The following NKX2-1 variants were observed in gnomAD, a reference collection of about 807,000 sequenced individuals.
NKX2-1 encodes the protein NK2 homeobox 1.
NKX2-1 carries 9 observed loss-of-function variants against 35.1 expected under a neutral mutation model. The ratio of observed to expected loss-of-function variants is 0.26; its 90% CI spans 0.15 to 0.45. The LOEUF (loss-of-function observed/expected upper bound fraction) is 0.45, where lower values mean the gene tolerates loss of function less well. NKX2-1 is among the 20% of genes least tolerant of loss of function. The pLI is 1.00. For missense variants in NKX2-1, 509 were observed against 589.1 expected, an observed-to-expected ratio of 0.86 and a Z score of 1.41; for synonymous variants, 284 against 269.9, an observed-to-expected ratio of 1.05 and a Z score of -0.51.
Position 36,517,141 on chromosome 14 carries a change from T to C in NKX2-1, c.*137A>G. 1 of 1,415,472 alleles carries C rather than the reference T, an allele frequency of 7.1e-7. No homozygotes were observed. Among genetic ancestry groups the C allele is most frequent in the Non-Finnish European group, 9.3e-7 (1 of 1,077,266 alleles). 87.7% of individuals were successfully genotyped at this position (1,415,472 alleles called of 1,614,324 possible). ...CAGCAGTTTGGCCTTTGTGGTTTTT[T>C]TGTTCCTTGGTCTAAACGCGGCCAG... On this transcript the variant is annotated 3_prime_UTR_variant, in exon 3 of 3. Transcript: ENST00000354822.
rs778614432 is a variant in NKX2-1 at position 36,520,034 on chromosome 14, G to T, written c.77+19C>A. 6.2e-7 allele frequency: 1 copy of T among 1,612,984 alleles called. No homozygotes were observed. The highest frequency in any genetic ancestry group is 8.5e-7 in the Non-Finnish European group (1 of 1,179,778). Reference sequence around the variant, plus strand: ...GGTCTTTAGGAGGAGGGGGCTGAGGGACAGGGTGGGGGTTTCACCTGAGCC... The same window carrying T: ...GGTCTTTAGGAGGAGGGGGCTGAGGTACAGGGTGGGGGTTTCACCTGAGCC... On this transcript the variant is annotated intron_variant, in intron 1 of 2. Transcript: ENST00000354822.
chr14:36,518,863 C>T, intron 2 of NKX2-1, 122 bp downstream of exon 2: 2 of 1,292,876 alleles, frequency 1.5e-6, no homozygotes, highest in South Asian at 1.8e-5. Context: ...TCCCTGGCGC[C>T]GCTGCCGGGC....
rs1881087744 is a variant in NKX2-1 at position 36,517,534 on chromosome 14, T to G, written c.950A>C (p.Gln317Pro). The G allele has an allele frequency of 7.0e-7, 1 of 1,420,426 alleles. No homozygotes were observed. The highest frequency in any genetic ancestry group is 9.1e-7 in the Non-Finnish European group (1 of 1,095,390). The allele number at this position is 1,420,426 out of a possible 1,614,324, so 88.0% of individuals were successfully genotyped here. A position where few individuals can be genotyped will look rare whatever the true frequency, so the allele number is the denominator to read the frequency against. ...CTGCGCCTGGTGCTGCGCCTGCTGC[T>G]GCGCGTGGCCTTGTAGGCTGGCGGC... ...PGAASLQGHAQQQAQHQAQAA... is the reference protein window; with the variant it reads ...PGAASLQGHAPQQAQHQAQAA... The change falls in exon 3 of 3, where the codon CAG becomes CCG. Residue 317 changes from glutamine to proline, a missense_variant. Gln to Pro is a moderately conservative substitution (Grantham distance 76). Around this residue, in one of 5 missense-constraint regions of NKX2-1, gnomAD observed 212 missense variants for 227.7 expected, o/e 0.93. Transcript: ENST00000354822.
rs1198750822 is a variant in NKX2-1, at chr14:36,518,855, C to T, written c.463+130G>A. 7 of 1,243,012 alleles carry T rather than the reference C, an allele frequency of 5.6e-6. No individual in the cohort carries two copies. The South Asian group carries it at 1.3e-4, about 23-fold the overall frequency. 77.0% of individuals were successfully genotyped at this position (1,243,012 alleles called of 1,614,324 possible). On this transcript the variant is annotated intron_variant, in intron 2 of 2. Coordinates refer to ENST00000354822, the MANE Select transcript of NKX2-1 (RefSeq NM_001079668.3). ...CATCCCCAGCTCCCGCACCCAAGTC[C>T]CTGGCGCCGCTGCCGGGCCGCCCTC...
Position 36,520,086 on chromosome 14 carries a change from G to C in NKX2-1, c.44C>G (p.Ala15Gly), listed in dbSNP as rs2139414757. 1 of 1,613,024 alleles carries C rather than the reference G, an allele frequency of 6.2e-7. No homozygotes were observed. Among genetic ancestry groups the C allele is most frequent in the Non-Finnish European group, 8.5e-7 (1 of 1,179,854 alleles). Residue 15 changes from alanine (A) to glycine (G), a missense_variant, in exon 1 of 3, where the codon GCG becomes GGG. Physicochemically the swap from Ala to Gly is moderately conservative, Grantham distance 60. Coordinates refer to ENST00000354822, the MANE Select transcript of NKX2-1 (RefSeq NM_001079668.3). ...GSGKARGWEA[A>G]AGGRSSPGRL... is the part of the protein sequence containing the mutation. ...GCCGGGGCTGCTCCTCCCTCCCGCCGCGGCCTCCCAGCCCCGCGCCTTCCC... is the reference window on the plus strand; with the variant it reads ...GCCGGGGCTGCTCCTCCCTCCCGCCCCGGCCTCCCAGCCCCGCGCCTTCCC...
intron 1 of NKX2-1, 67 bp downstream of exon 1, chr14:36,519,986 T>A (rs1167106691): frequency 1.2e-6 from 2 of 1,603,348 alleles, no homozygotes; most frequent in African/African-American, 1.3e-5. Context: ...TCCAATTCGG[T>A]CGGGGTTCCC....
Position 36,520,149 on chromosome 14 carries a change from C to A in NKX2-1, c.-20G>T, listed in dbSNP as rs761213689. The A allele has an allele frequency of 6.2e-7, 1 of 1,612,272 alleles. No homozygotes were observed. Among genetic ancestry groups the A allele is most frequent in the Non-Finnish European group, 8.5e-7 (1 of 1,179,706 alleles). ...CCACATCGGGCTTCGCTGCGCTGAG[C>A]CCCAGTCGCCAACAAATGAGCGAGC... On this transcript the variant is annotated 5_prime_UTR_variant, in exon 1 of 3. Coordinates refer to ENST00000354822, the MANE Select transcript of NKX2-1 (RefSeq NM_001079668.3).
chr14:36,517,537 G>A lies in NKX2-1; in HGVS notation c.947C>T (p.Ala316Val), dbSNP rs778389039. 2.8e-6 allele frequency: 4 copies of A among 1,431,924 alleles called. No homozygotes were observed. The South Asian group carries it at 5.9e-5, about 21-fold the overall frequency. 88.7% of individuals were successfully genotyped at this position (1,431,924 alleles called of 1,614,324 possible). ...APGAASLQGH[A>V]QQQAQHQAQA... ...CGCCTGGTGCTGCGCCTGCTGCTGCGCGTGGCCTTGTAGGCTGGCGGCGCC... is the reference window on the plus strand; with the variant it reads ...CGCCTGGTGCTGCGCCTGCTGCTGCACGTGGCCTTGTAGGCTGGCGGCGCC... Residue 316 changes from alanine (A) to valine (V), a missense_variant, in exon 3 of 3, where the codon GCG becomes GTG. Ala to Val is a moderately conservative substitution (Grantham distance 64). This residue lies in a region of NKX2-1 where 212 missense variants were observed against 227.7 expected (regional missense o/e 0.93). Coordinates refer to ENST00000354822, the MANE Select transcript of NKX2-1 (RefSeq NM_001079668.3).
Position 36,519,124 on chromosome 14 carries a change from G to C in NKX2-1, c.324C>G (p.Leu108=), listed in dbSNP as rs779655723. 10 of 1,606,294 alleles carry C rather than the reference G, an allele frequency of 6.2e-6. No individual in the cohort carries two copies. Among genetic ancestry groups the C allele is most frequent in the Admixed American group, 3.3e-5 (2 of 59,922 alleles). The stretch of plus-strand genomic sequence containing the variant: ...AGTAGCCCCCCACGGCGGAGTGCGA[G>C]AGCTGGGGCACCCCCGCCGCCGTCA... ...YHMTAAGVPQ[L]SHSAVGGYCN... is the part of the protein sequence containing the mutation. The change falls in exon 2 of 3, where the codon CTC becomes CTG. Residue 108 remains leucine (L), a synonymous_variant. Transcript: ENST00000354822.
Position 36,517,091 on chromosome 14 carries a change from A to AGAGTG in NKX2-1, c.*186_*187insCACTC. The stretch of plus-strand genomic sequence containing the variant: ...TTAAAAAAAAAAACCCACAAATTTT[A>AGAGTG]GGGGGGGAAAAAAAGAAAGACGTCC... On this transcript the variant is annotated 3_prime_UTR_variant, in exon 3 of 3. Transcript: ENST00000354822. 1.9e-6 allele frequency: 2 copies of AGAGTG among 1,026,192 alleles called. No homozygotes were observed. The highest frequency in any genetic ancestry group is 2.6e-6 in the Non-Finnish European group (2 of 759,258). 63.6% of individuals were successfully genotyped at this position (1,026,192 alleles called of 1,614,324 possible).
In NKX2-1 at chr14:36,519,737, G is replaced by C. The variant is rs1881258471; in HGVS notation, c.77+316C>G. On this transcript the variant is annotated intron_variant, in intron 1 of 2. Coordinates refer to ENST00000354822, the MANE Select transcript of NKX2-1 (RefSeq NM_001079668.3). ...TTTAGGTCTCAAAGAGAGAGAGAGA[G>C]AGGCAGAGACGAGACCCAAAGCATT... The C allele has an allele frequency of 3.3e-6, 5 of 1,492,954 alleles. No homozygotes were observed. The South Asian group carries it at 5.1e-5, about 15-fold the overall frequency. The allele number at this position is 1,492,954 out of a possible 1,614,324, so 92.5% of individuals were successfully genotyped here.
intron 2 of NKX2-1, 51 bp downstream of exon 2, chr14:36,518,934 C>G: frequency 6.9e-7 from 1 of 1,457,386 alleles, no homozygotes; most frequent in Non-Finnish European, 9.0e-7. Flanking sequence ...CGGCTCTCGC[C>G]GCACCTCCTG....
intron 2 of NKX2-1, among the ~76,000 whole-genome samples, chr14:36,518,579 G>C (rs1881169546): frequency 6.6e-6 from 1 of 152,162 alleles, no homozygotes; most frequent in Non-Finnish European, 1.5e-5. Context: ...CCGCTGGAGA[G>C]AGGGCCGGGC....
intron 1 of NKX2-1, chr14:36,519,632 G>A (rs1373097897): frequency 1.3e-6 from 2 of 1,530,014 alleles, no homozygotes; most frequent in South Asian, 2.4e-5. Context: ...CAAGACAATA[G>A]AAGCCTACAT....
Position 36,517,406 on chromosome 14 carries a change from G to A in NKX2-1, c.1078C>T (p.Leu360=), listed in dbSNP as rs773459186. ...GCGGGGCTGGCGGCGTGGTGCGCCA[G>A]GTCCGGAGACTGGCCTGCGCTGCCT... is the stretch of plus-strand genomic sequence containing the variant. ...QPGSAGQSPD[L]AHHAASPAAL... Residue 360 remains leucine, a synonymous_variant, in exon 3 of 3, where the codon CTG becomes TTG. Coordinates refer to ENST00000354822, the MANE Select transcript of NKX2-1 (RefSeq NM_001079668.3). 1.9e-6 allele frequency: 3 copies of A among 1,591,390 alleles called. No homozygotes were observed. The highest frequency in any genetic ancestry group is 2.6e-6 in the Non-Finnish European group (3 of 1,171,556).
chr14:36,519,145 C>T lies in NKX2-1; in HGVS notation c.303G>A (p.Thr101=), dbSNP rs772975871. Residue 101 remains threonine, a synonymous_variant, in exon 2 of 3, where the codon ACG becomes ACA. Transcript: ENST00000354822. ...GCGAGAGCTGGGGCACCCCCGCCGC[C>T]GTCATGTGGTAGGCGGCGGTGACGG... The part of the protein sequence containing the change: ...HGAVTAAYHM[T]AAGVPQLSHS... 1.2e-6 allele frequency: 2 copies of T among 1,607,768 alleles called. No homozygotes were observed. Among genetic ancestry groups the T allele is most frequent in the Admixed American group, 3.3e-5 (2 of 59,800 alleles).
At position 36,516,723 on chromosome 14, in the gene NKX2-1, C is replaced by T. The variant is rs1268553180; in HGVS notation, c.*555G>A. Reference sequence around the variant, plus strand: ...GGCGGTCGCCGCTGAGCCTAGGCGGCCAGAGGGTGCCGGGGAGGGGGCACT... The same window carrying T: ...GGCGGTCGCCGCTGAGCCTAGGCGGTCAGAGGGTGCCGGGGAGGGGGCACT... On this transcript the variant is annotated 3_prime_UTR_variant, in exon 3 of 3. Coordinates refer to ENST00000354822, the MANE Select transcript of NKX2-1 (RefSeq NM_001079668.3). The T allele has an allele frequency of 1.7e-5, 4 of 233,272 alleles. No individual in the cohort carries two copies. The highest frequency in any genetic ancestry group is 2.5e-5 in the Non-Finnish European group (3 of 117,950). The allele number at this position is 233,272 out of a possible 1,614,324, so 14.5% of individuals were successfully genotyped here.
In NKX2-1 at chr14:36,519,220, C is replaced by T. The variant is rs940030761; in HGVS notation, c.228G>A (p.Ala76=). ...APLAAYRQGQ[A]APPTAAMQQH... is the part of the protein sequence containing the mutation. The stretch of plus-strand genomic sequence containing the variant: ...GCTGCATGGCCGCTGTTGGCGGTGC[C>T]GCCTGGCCCTGCCTGTACGCCGCCA... The change falls in exon 2 of 3, where the codon GCG becomes GCA. Residue 76 remains alanine, a synonymous_variant. Transcript: ENST00000354822. The T allele has an allele frequency of 5.0e-6, 8 of 1,605,388 alleles. No homozygotes were observed. The highest frequency in any genetic ancestry group is 1.7e-5 in the Admixed American group (1 of 59,046).
At chr14:36,518,275 T>C (rs953017317) in intron 2 of NKX2-1, among the ~76,000 whole-genome samples, 3 of 152,058 alleles carry the variant, frequency 2.0e-5, no homozygotes, top group Non-Finnish European at 2.9e-5. Flanking sequence ...GTTCCCTCTT[T>C]CGAACCAAAA....
Sources: allele counts gnomAD v4.1 joint callset (sites outside exome capture counted in the v4.1 genomes callset), GRCh38; gene constraint gnomAD v4.1.1; regional missense constraint gnomAD v4.1.1; transcripts MANE v1.5; gene names NCBI Gene and HGNC (gene_info 2026-07-23, HGNC 2026-07-21).